The following ARHGAP44 variants were observed in gnomAD, a reference collection of about 807,000 sequenced individuals.
ARHGAP44 encodes Rho GTPase activating protein 44.
In ARHGAP44, 43 loss-of-function variants were observed where a neutral mutation model predicts 106.8. The ratio of observed to expected loss-of-function variants is 0.40; its 90% CI spans 0.32 to 0.52. The LOEUF (loss-of-function observed/expected upper bound fraction) is 0.52. ARHGAP44 is among the 20% of genes least tolerant of loss of function. The pLI, the probability that ARHGAP44 is intolerant of heterozygous loss-of-function variation, is 0.48. For synonymous variants in ARHGAP44, 439 were observed against 410.3 expected (o/e 1.07, Z -0.85); for missense variants, 866 against 1,050.5 (o/e 0.82, Z 2.43).
At chr17:12,830,757 T>C (rs979250537) in intron 1 of ARHGAP44, among the ~76,000 whole-genome samples, 3 of 152,240 alleles carry the variant, frequency 2.0e-5, no homozygotes, top group African/African-American at 7.2e-5. Context: ...TTTTTCCTTT[T>C]GATAGGGAGC....
rs532066692 is a variant in ARHGAP44 at position 12,962,367 on chromosome 17, C to T, written c.1523+3470C>T. 3.9e-5 allele frequency among the ~76,000 whole-genome samples: 6 copies of T among 152,210 alleles called. No individual in the cohort carries two copies. In the East Asian group the frequency reaches 1.2e-3, roughly 29 times the overall value. On this transcript the variant is annotated intron_variant, in intron 16 of 20. Transcript: ENST00000379672. ...TGACCAGTTCAGGAGCTTACATATACATTTTTCATCATTGTGGTAGGTAAA... is the reference window on the plus strand; with the variant it reads ...TGACCAGTTCAGGAGCTTACATATATATTTTTCATCATTGTGGTAGGTAAA...
chr17:12,890,838 T>C (rs189815295), intron 1 of ARHGAP44, among the ~76,000 whole-genome samples: 16 of 152,324 alleles, frequency 1.1e-4, no homozygotes, highest in Admixed American at 5.2e-4. Flanking sequence ...AAGGAAGCCA[T>C]GCAGATTCTT....
intron 1 of ARHGAP44, among the ~76,000 whole-genome samples, chr17:12,808,768 G>C (rs763117039): frequency 3.3e-5 from 5 of 152,128 alleles, no homozygotes; most frequent in Non-Finnish European, 7.4e-5. Flanking sequence ...TTGGCTCCTC[G>C]TTACTTATGC....
At chr17:12,941,189 A>G in intron 8 of ARHGAP44, 65 bp downstream of exon 8, 1 of 1,447,274 alleles carries the variant, frequency 6.9e-7, no homozygotes. Context: ...GTGGGCATGG[A>G]ATTAAGAGTC....
At chr17:12,888,717 C>T (rs542727314) in intron 1 of ARHGAP44, among the ~76,000 whole-genome samples, 28 of 152,014 alleles carry the variant, frequency 1.8e-4, no homozygotes, top group Non-Finnish European at 3.8e-4. Context: ...GTGTATTTGT[C>T]TATTTCTTCT....
At position 12,982,318 on chromosome 17, in the gene ARHGAP44, TA is replaced by T. The variant is rs1033510528; in HGVS notation, c.1939+2087del. 7.9e-5 allele frequency among the ~76,000 whole-genome samples: 7 copies of T among 88,458 alleles called. 1 individual carries two copies. Among genetic ancestry groups the T allele is most frequent in the African/African-American group, 1.9e-4 (5 of 26,710 alleles). The allele number at this position is 88,458 out of a possible 152,430, so 58.0% of individuals were successfully genotyped here. A position where few individuals can be genotyped will look rare whatever the true frequency, so the allele number is the denominator to read the frequency against. ...GGCACACTTAGCAGGTCTTTTTTTT[TA>T]ATTTTTTTTTTTTTGACACCTCAGT... On this transcript the variant is annotated intron_variant, in intron 19 of 20. Transcript: ENST00000379672.
intron 19 of ARHGAP44, among the ~76,000 whole-genome samples, chr17:12,981,491 G>A (rs1446953781): frequency 6.6e-6 from 1 of 151,690 alleles, no homozygotes; most frequent in African/African-American, 2.4e-5. Context: ...TCCGCCTCCT[G>A]GGTTCAAGCG....
Position 12,789,664 on chromosome 17 carries a change from T to C in ARHGAP44, c.-175T>C, listed in dbSNP as rs2033667812. 5.1e-6 allele frequency: 2 copies of C among 394,354 alleles called. No individual in the cohort carries two copies. The highest frequency in any genetic ancestry group is 8.6e-6 in the Non-Finnish European group (2 of 232,526). 24.4% of individuals were successfully genotyped at this position (394,354 alleles called of 1,614,324 possible). Reference sequence around the variant, plus strand: ...GCAGGAGGCGGCGCGGCGGGAGGAGTAGGCGGCGGCGCCCTCGGGAGGGAG... The same window carrying C: ...GCAGGAGGCGGCGCGGCGGGAGGAGCAGGCGGCGGCGCCCTCGGGAGGGAG... On this transcript the variant is annotated 5_prime_UTR_variant, in exon 1 of 21. An upstream open reading frame in the 5' UTR loses its in-frame stop. Transcript: ENST00000379672.
chr17:12,952,087 A>G (rs1165384825), intron 12 of ARHGAP44, among the ~76,000 whole-genome samples: 2 of 152,220 alleles, frequency 1.3e-5, no homozygotes, highest in Non-Finnish European at 2.9e-5. Context: ...AGTGCAAGAT[A>G]GCCGGAAACT....
intron 8 of ARHGAP44, among the ~76,000 whole-genome samples, chr17:12,941,417 G>A (rs1405220192): frequency 6.6e-6 from 1 of 152,100 alleles, no homozygotes; most frequent in African/African-American, 2.4e-5. Flanking sequence ...AGACATTTTT[G>A]ATTGTCACAG....
intron 1 of ARHGAP44, among the ~76,000 whole-genome samples, chr17:12,886,026 A>G (rs902641152): frequency 6.6e-6 from 1 of 152,062 alleles, no homozygotes; most frequent in African/African-American, 2.4e-5. Context: ...ATTTTTGTGA[A>G]TTATGTACAA....
Position 12,928,920 on chromosome 17 carries a change from T to TTCCA in ARHGAP44, c.465-6_465-3dup. On this transcript the variant is annotated splice_polypyrimidine_tract_variant and intron_variant, in intron 6 of 20. Transcript: ENST00000379672. ...GTCTCACATCTCTTTTTCTCCTATT[T>TTCCA]TCCATCAGGTGGCAGCAGACTTCCA... 6.2e-7 allele frequency: 1 copy of TTCCA among 1,606,914 alleles called. No individual in the cohort carries two copies. Among genetic ancestry groups the TTCCA allele is most frequent in the Non-Finnish European group, 8.5e-7 (1 of 1,176,652 alleles).
intron 16 of ARHGAP44, among the ~76,000 whole-genome samples, chr17:12,959,636 G>T (rs988874283): frequency 6.6e-6 from 1 of 152,234 alleles, no homozygotes; most frequent in Non-Finnish European, 1.5e-5. Flanking sequence ...ACCAGAGGAC[G>T]TGGACTAATG....
At chr17:12,839,821 C>T (rs1727538452) in intron 1 of ARHGAP44, among the ~76,000 whole-genome samples, 1 of 152,140 alleles carries the variant, frequency 6.6e-6, no homozygotes, top group Non-Finnish European at 1.5e-5. Flanking sequence ...TTTTCAAATA[C>T]AGTTAAGGGA....
Position 12,952,491 on chromosome 17 carries a change from A to G in ARHGAP44, c.1056-10A>G. On this transcript the variant is annotated splice_polypyrimidine_tract_variant and intron_variant, in intron 12 of 20. Transcript: ENST00000379672. ...TGCTCAACCAATGACCTTTCCTATC[A>G]ATTTCTCAGTGTCCAGGAGCAAGAC... The G allele has an allele frequency of 3.2e-6, 5 of 1,566,682 alleles. No individual in the cohort carries two copies. Among genetic ancestry groups the G allele is most frequent in the Non-Finnish European group, 3.5e-6 (4 of 1,154,528 alleles).
chr17:12,832,584 G>A (rs1291909411), intron 1 of ARHGAP44, among the ~76,000 whole-genome samples: 3 of 152,162 alleles, frequency 2.0e-5, no homozygotes, highest in Non-Finnish European at 4.4e-5. Context: ...TTAGGAAAGG[G>A]CTGTTCTCAT....
intron 1 of ARHGAP44, among the ~76,000 whole-genome samples, chr17:12,880,521 A>G (rs887355208): frequency 4.6e-5 from 7 of 152,152 alleles, no homozygotes; most frequent in Admixed American, 2.0e-4. Context: ...TTTTTTTCCA[A>G]TCAACATTGT....
chr17:12,831,541 G>T (rs1396969739), intron 1 of ARHGAP44, among the ~76,000 whole-genome samples: 1 of 152,148 alleles, frequency 6.6e-6, no homozygotes, highest in Non-Finnish European at 1.5e-5. Context: ...AATTACAAAG[G>T]CTTGGTCAGT....
rs2038931309 is a variant in ARHGAP44 at position 12,949,045 on chromosome 17, G to A, written c.862-95G>A. The A allele has an allele frequency of 8.3e-7, 1 of 1,210,978 alleles. No individual in the cohort carries two copies. The highest frequency in any genetic ancestry group is 1.2e-6 in the Non-Finnish European group (1 of 849,500). The allele number at this position is 1,210,978 out of a possible 1,614,324, so 75.0% of individuals were successfully genotyped here. A position where few individuals can be genotyped will look rare whatever the true frequency, so the allele number is the denominator to read the frequency against. ...TGGTGTTGGGCAAATGCATGTAAGA[G>A]GTTTTGGAGAAAAGAAGCAGGCAGT... is the stretch of plus-strand genomic sequence containing the variant. On this transcript the variant is annotated intron_variant, in intron 10 of 20. Transcript: ENST00000379672. This position sits in a 1 kb window ranked among gnomAD's most constrained non-coding sequence, Gnocchi z 4.1.
Sources: allele counts gnomAD v4.1 joint callset (sites outside exome capture counted in the v4.1 genomes callset), GRCh38; gene constraint gnomAD v4.1.1; non-coding constraint Gnocchi (gnomAD v3.1); transcripts MANE v1.5; gene names NCBI Gene and HGNC (gene_info 2026-07-23, HGNC 2026-07-21).